Variants in RGS7BP observed in about 807,000 individuals in gnomAD.
RGS7BP encodes regulator of G protein signaling 7 binding protein.
RGS7BP carries 9 observed loss-of-function variants against 31.3 expected under a neutral mutation model. The ratio of observed to expected loss-of-function variants is 0.29; its 90% CI spans 0.17 to 0.50. The LOEUF (loss-of-function observed/expected upper bound fraction) is 0.50, where lower values mean the gene tolerates loss of function less well. RGS7BP is among the 20% of genes least tolerant of loss of function. RGS7BP has a pLI of 0.98. For synonymous variants in RGS7BP, 115 were observed against 120.1 expected (o/e 0.96, Z 0.28); for missense variants, 274 against 322.0 (o/e 0.85, Z 1.14).
intron 2 of RGS7BP, among the ~76,000 whole-genome samples, chr5:64,548,433 G>A (rs556598021): frequency 1.1e-4 from 16 of 152,260 alleles, no homozygotes; most frequent in African/African-American, 2.2e-4. Flanking sequence ...ATTTCTGTAC[G>A]CAAGTTAAAT....
chr5:64,514,757 G>C (rs766456067), intron 2 of RGS7BP, among the ~76,000 whole-genome samples: 7 of 152,160 alleles, frequency 4.6e-5, no homozygotes, highest in Non-Finnish European at 7.4e-5. Flanking sequence ...GAATTGAGCA[G>C]GTGGTGGCCC....
chr5:64,591,382 C>T (rs1039673360), intron 3 of RGS7BP, among the ~76,000 whole-genome samples: 5 of 151,870 alleles, frequency 3.3e-5, no homozygotes, highest in East Asian at 1.9e-4. Context: ...AGTTTAACCT[C>T]GGTAGTAATA....
chr5:64,577,205 G>A (rs1742456778), intron 3 of RGS7BP, among the ~76,000 whole-genome samples: 1 of 152,176 alleles, frequency 6.6e-6, no homozygotes, highest in South Asian at 2.1e-4. Flanking sequence ...TTGGGAGGCT[G>A]AGGCGGGCAG....
At chr5:64,509,022 A>G (rs1216531511) in intron 2 of RGS7BP, among the ~76,000 whole-genome samples, 1 of 152,236 alleles carries the variant, frequency 6.6e-6, no homozygotes, top group Non-Finnish European at 1.5e-5. Flanking sequence ...AGGGATAAAC[A>G]AAATATGTTA....
At chr5:64,526,814 T>C (rs1348195788) in intron 2 of RGS7BP, among the ~76,000 whole-genome samples, 1 of 152,076 alleles carries the variant, frequency 6.6e-6, no homozygotes, top group East Asian at 1.9e-4. Context: ...CTCAGAGCCA[T>C]GGAGATCTGT....
chr5:64,582,995 A>G (rs551263566), intron 3 of RGS7BP, among the ~76,000 whole-genome samples: 1 of 152,354 alleles, frequency 6.6e-6, no homozygotes, highest in Admixed American at 6.5e-5. Context: ...ACATGATTCA[A>G]ATCCTAAGTG....
chr5:64,602,345 G>A (rs1219273550), intron 5 of RGS7BP, among the ~76,000 whole-genome samples: 4 of 152,148 alleles, frequency 2.6e-5, no homozygotes, highest in Non-Finnish European at 5.9e-5. Context: ...TGCAATTTCT[G>A]CAATCTCTTG....
At chr5:64,542,983 T>C (rs1417550941) in intron 2 of RGS7BP, among the ~76,000 whole-genome samples, 1 of 152,214 alleles carries the variant, frequency 6.6e-6, no homozygotes, top group African/African-American at 2.4e-5. Context: ...TAATGTCATA[T>C]TTATGATCTT....
At chr5:64,518,127 T>C (rs994798329) in intron 2 of RGS7BP, among the ~76,000 whole-genome samples, 1 of 152,230 alleles carries the variant, frequency 6.6e-6, no homozygotes, top group Admixed American at 6.5e-5. Context: ...CATTATCCCA[T>C]ATAAACAATG....
chr5:64,545,148 C>T (rs1254261813), intron 2 of RGS7BP, among the ~76,000 whole-genome samples: 1 of 151,504 alleles, frequency 6.6e-6, no homozygotes, highest in African/African-American at 2.4e-5. Context: ...TGCACTCCAG[C>T]CTGGGTGACA....
intron 2 of RGS7BP, among the ~76,000 whole-genome samples, 191 bp downstream of exon 2, chr5:64,508,068 A>G (rs765774386): frequency 2.6e-5 from 4 of 152,342 alleles, no homozygotes; most frequent in Non-Finnish European, 5.9e-5. Flanking sequence ...ATTCTTGCAT[A>G]TATGTATATA....
At chr5:64,547,393 G>C (rs1741683449) in intron 2 of RGS7BP, among the ~76,000 whole-genome samples, 1 of 152,150 alleles carries the variant, frequency 6.6e-6, no homozygotes, top group Non-Finnish European at 1.5e-5. Context: ...GGTGTTGTCT[G>C]TCTTTTTAAT....
chr5:64,605,529 G>C (rs1743329999), intron 5 of RGS7BP, among the ~76,000 whole-genome samples: 1 of 152,120 alleles, frequency 6.6e-6, no homozygotes, highest in Non-Finnish European at 1.5e-5. Flanking sequence ...CCTTGGAGCT[G>C]AATTCACTTC....
intron 2 of RGS7BP, among the ~76,000 whole-genome samples, chr5:64,538,546 C>T (rs200427737): frequency 0.31 from 12,065 of 38,864 alleles, 42 homozygotes; most frequent in Middle Eastern, 0.42. Context: ...TTTTCCTTTT[C>T]TTTTTTTTTT....
At chr5:64,597,713 A>G (rs1743111443) in intron 4 of RGS7BP, among the ~76,000 whole-genome samples, 1 of 151,822 alleles carries the variant, frequency 6.6e-6, no homozygotes, top group South Asian at 2.1e-4. Flanking sequence ...ACACATGGAC[A>G]TGGGGTGTGG....
chr5:64,506,674 G>A lies in RGS7BP; in HGVS notation c.50G>A (p.Arg17His), dbSNP rs1428877550. The change falls in exon 1 of 6, where the codon CGC becomes CAC. Residue 17 changes from arginine (R) to histidine (H), a missense_variant. Arg to His is a conservative substitution (Grantham distance 29). Around this residue, in one of 3 missense-constraint regions of RGS7BP, gnomAD observed 149 missense variants for 152.6 expected, o/e 0.98. Transcript: ENST00000334025. The surrounding 1 kb of genome is among the most constrained non-coding windows in gnomAD (Gnocchi z 4.6). The part of the protein sequence containing the change: ...GRKKRPSRST[R>H]SSIFQISKPP... ...AAAAAGCGCCCCAGCCGGTCCACCC[G>A]CTCCTCGATCTTCCAGATCAGCAAG... 1 of 1,612,744 alleles carries A rather than the reference G, an allele frequency of 6.2e-7. No individual in the cohort carries two copies. Among genetic ancestry groups the A allele is most frequent in the Non-Finnish European group, 8.5e-7 (1 of 1,178,998 alleles).
intron 3 of RGS7BP, among the ~76,000 whole-genome samples, chr5:64,578,103 T>C (rs1186066138): frequency 6.6e-6 from 1 of 152,246 alleles, no homozygotes; most frequent in Non-Finnish European, 1.5e-5. Flanking sequence ...CCATCCAGAC[T>C]GCTTTCTTGT....
intron 3 of RGS7BP, among the ~76,000 whole-genome samples, chr5:64,580,311 G>A (rs1015631684): frequency 1.3e-5 from 2 of 152,098 alleles, no homozygotes; most frequent in Admixed American, 6.6e-5. Flanking sequence ...TACTACCATC[G>A]GAGAGAAAGG....
intron 2 of RGS7BP, among the ~76,000 whole-genome samples, chr5:64,549,880 T>A (rs929823648): frequency 6.6e-6 from 1 of 152,214 alleles, no homozygotes; most frequent in Non-Finnish European, 1.5e-5. Flanking sequence ...CTGTAAGCAC[T>A]CAGAGGAGCC....
Sources: gnomAD v4.1 joint callset for allele counts (sites outside exome capture counted in the v4.1 genomes callset) on GRCh38, gnomAD v4.1.1 for gene constraint, gnomAD v4.1.1 regional missense constraint, Gnocchi (gnomAD v3.1) non-coding constraint, MANE v1.5 for transcripts, NCBI Gene and HGNC (gene_info 2026-07-23, HGNC 2026-07-21) for gene names.